Variants in PTGIS observed in about 807,000 individuals in gnomAD.
PTGIS encodes prostacyclin synthase.
A neutral mutation model predicts 50.3 loss-of-function variants in PTGIS; 45 were observed. The ratio of observed to expected loss-of-function variants is 0.90; its 90% CI spans 0.70 to 1.15. PTGIS has a LOEUF of 1.15. Among genes scored for constraint, PTGIS ranks in the 50% most tolerant of loss-of-function variants. The pLI is 0.00. For missense variants in PTGIS, 668 were observed against 661.3 expected, an observed-to-expected ratio of 1.01 and a Z score of -0.11; for synonymous variants, 260 against 267.7, an observed-to-expected ratio of 0.97 and a Z score of 0.28.
Position 49,507,916 on chromosome 20 carries a change from T to C in PTGIS, c.*4A>G, listed in dbSNP as rs1601174559. On this transcript the variant is annotated 3_prime_UTR_variant, in exon 10 of 10. Transcript: ENST00000244043. ...CGAGCACGTGGATCCATCTGCTCCC[T>C]GTGTCATGGGCGGATGCGGTAGCGG... 2 of 1,611,288 alleles carry C rather than the reference T, an allele frequency of 1.2e-6. No individual in the cohort carries two copies. Among genetic ancestry groups the C allele is most frequent in the Non-Finnish European group, 8.5e-7 (1 of 1,180,008 alleles).
In PTGIS at chr20:49,539,621, G is replaced by A. The variant is rs747873847; in HGVS notation, c.622C>T (p.Arg208Cys). 32 of 1,613,934 alleles carry A rather than the reference G, an allele frequency of 2.0e-5. No individual in the cohort carries two copies. The highest frequency in any genetic ancestry group is 9.9e-5 in the South Asian group (9 of 91,036). The change falls in exon 5 of 10, where the codon CGC becomes TGC. Residue 208 changes from arginine (R) to cysteine (C), a missense_variant. By Grantham distance (180) the Arg-to-Cys change is radical. Transcript: ENST00000244043. Reference protein sequence around the residue: ...VHSADVFHTFRQLDRLLPKLA... With the variant: ...VHSADVFHTFCQLDRLLPKLA... The stretch of plus-strand genomic sequence containing the variant: ...TTGGGGAGCAGCCGGTCGAGCTGGC[G>A]AAAGGTGTGGAAGACATCAGCTGAG...
chr20:49,543,957 T>G (rs1258617042), intron 4 of PTGIS, among the ~76,000 whole-genome samples: 1 of 152,190 alleles, frequency 6.6e-6, no homozygotes, highest in African/African-American at 2.4e-5. Flanking sequence ...GATAAAAGGT[T>G]AAGGTCCCAA....
chr20:49,514,731 G>A (rs552960709), intron 6 of PTGIS, among the ~76,000 whole-genome samples: 1 of 152,340 alleles, frequency 6.6e-6, no homozygotes, highest in Admixed American at 6.5e-5. Flanking sequence ...ATCTGAGAAT[G>A]ATCACATTGT....
At chr20:49,548,717 G>C (rs1423821074) in intron 2 of PTGIS, among the ~76,000 whole-genome samples, 2 of 151,768 alleles carry the variant, frequency 1.3e-5, no homozygotes, top group Non-Finnish European at 2.9e-5. Context: ...ATGAATGGAA[G>C]GAAGGAAGGA....
chr20:49,539,435 T>C, intron 5 of PTGIS, 135 bp downstream of exon 5: 2 of 1,082,614 alleles, frequency 1.8e-6, no homozygotes, highest in Non-Finnish European at 2.6e-6. Context: ...CCCCCAGTGA[T>C]GGGGATCTTA....
intron 4 of PTGIS, among the ~76,000 whole-genome samples, chr20:49,541,449 C>T (rs1256898800): frequency 1.3e-5 from 2 of 152,040 alleles, no homozygotes; most frequent in African/African-American, 2.4e-5. Context: ...AAAAGTAAAC[C>T]GGCCGGGAGA....
In PTGIS at chr20:49,524,515, C is replaced by T. The variant is rs145456948; in HGVS notation, c.674-276G>A. The stretch of plus-strand genomic sequence containing the variant: ...ATCTATTTCAATCACCTCTATGTCC[C>T]CATCACCCGGCCCGTAGCAGGTGCT... On this transcript the variant is annotated intron_variant, in intron 5 of 9. Coordinates refer to ENST00000244043, the MANE Select transcript of PTGIS (RefSeq NM_000961.4). 2.9e-3 allele frequency among the ~76,000 whole-genome samples: 441 copies of T among 152,320 alleles called. 4 individuals carry two copies. The highest frequency in any genetic ancestry group is 1.0e-2 in the African/African-American group (415 of 41,570).
chr20:49,519,207 A>ACAGAGTCCT (rs1981580935), intron 6 of PTGIS, among the ~76,000 whole-genome samples: 1 of 132,546 alleles, frequency 7.5e-6, no homozygotes, highest in East Asian at 2.4e-4. Flanking sequence ...GTCTCGGCCC[A>ACAGAGTCCT]CAGAGTCCTC....
intron 1 of PTGIS, among the ~76,000 whole-genome samples, chr20:49,555,197 T>G (rs1399596542): frequency 4.6e-5 from 7 of 152,030 alleles, no homozygotes; most frequent in African/African-American, 1.7e-4. Flanking sequence ...TGCTTGAACC[T>G]GGGAGGTGGA....
At position 49,503,958 on chromosome 20, in the gene PTGIS, C is replaced by T. The variant is rs1407584982; in HGVS notation, c.*3962G>A. 1 of 152,250 alleles carries T rather than the reference C, an allele frequency of 6.6e-6. No homozygotes were observed. The highest frequency in any genetic ancestry group is 1.5e-5 in the Non-Finnish European group (1 of 68,044). The allele number at this position is 152,250 out of a possible 1,614,324, so 9.4% of individuals were successfully genotyped here. ...GAAAATAGAATCTTTATTAAAATAG[C>T]AAGGCATAACAATCACTGCTACTCA... On this transcript the variant is annotated 3_prime_UTR_variant, in exon 10 of 10. Coordinates refer to ENST00000244043, the MANE Select transcript of PTGIS (RefSeq NM_000961.4).
intron 5 of PTGIS, among the ~76,000 whole-genome samples, chr20:49,535,848 T>C (rs938989050): frequency 4.6e-5 from 7 of 152,260 alleles, no homozygotes; most frequent in Non-Finnish European, 8.8e-5. Context: ...TAATTTCATA[T>C]CCTTCTACTT....
chr20:49,531,585 G>A (rs1439822146), intron 5 of PTGIS, among the ~76,000 whole-genome samples: 1 of 152,134 alleles, frequency 6.6e-6, no homozygotes. Flanking sequence ...TGGGAAAACA[G>A]AGGCTTGCTG....
At position 49,524,254 on chromosome 20, in the gene PTGIS, C is replaced by A. The variant is rs749532791; in HGVS notation, c.674-15G>T. The A allele has an allele frequency of 1.2e-6, 2 of 1,613,456 alleles. No homozygotes were observed. Among genetic ancestry groups the A allele is most frequent in the Non-Finnish European group, 1.7e-6 (2 of 1,179,802 alleles). On this transcript the variant is annotated splice_polypyrimidine_tract_variant and intron_variant, in intron 5 of 9. Transcript: ENST00000244043. ...GTCCTTGTCCCCTGCAGGGACAGAGCACAGAGAGTAGGGGTTACAGATTCA... is the reference window on the plus strand; with the variant it reads ...GTCCTTGTCCCCTGCAGGGACAGAGAACAGAGAGTAGGGGTTACAGATTCA...
rs561537313 is a variant in PTGIS at position 49,521,562 on chromosome 20, C to T, written c.855+2496G>A. ...CATTCCCACGAGAGTTCTGGAGACA[C>T]TTTGGAGCTCCAAGTCATCTCTGCA... On this transcript the variant is annotated intron_variant, in intron 6 of 9. Coordinates refer to ENST00000244043, the MANE Select transcript of PTGIS (RefSeq NM_000961.4). Among the ~76,000 whole-genome samples the T allele has an allele frequency of 3.3e-5, 5 of 152,290 alleles. No homozygotes were observed. The South Asian group carries it at 1.0e-3, about 32-fold the overall frequency.
At chr20:49,542,184 G>A (rs558320958) in intron 4 of PTGIS, among the ~76,000 whole-genome samples, 2 of 152,300 alleles carry the variant, frequency 1.3e-5, no homozygotes, top group African/African-American at 4.8e-5. Context: ...GAGGACAGAG[G>A]AGAACTTTGG....
intron 1 of PTGIS, among the ~76,000 whole-genome samples, chr20:49,552,945 C>CA (rs202061071): frequency 0.013 from 1,932 of 151,706 alleles, 40 homozygotes; most frequent in African/African-American, 0.04. Context: ...TGTTTCACTA[C>CA]AAAAAAATAC....
At chr20:49,546,589 C>G (rs6012690) in intron 3 of PTGIS, among the ~76,000 whole-genome samples, 2 of 152,204 alleles carry the variant, frequency 1.3e-5, no homozygotes, top group Non-Finnish European at 2.9e-5. Context: ...TCTTATCAGC[C>G]TTGGTATCTT....
At chr20:49,510,971 C>T (rs1465623558) in intron 9 of PTGIS, 57 bp downstream of exon 9, 9 of 1,556,864 alleles carry the variant, frequency 5.8e-6, no homozygotes, top group East Asian at 4.5e-5. Flanking sequence ...GAGAGAAGGG[C>T]GCCTGCCAAC....
intron 5 of PTGIS, among the ~76,000 whole-genome samples, chr20:49,528,321 A>G (rs180924249): frequency 4.0e-5 from 6 of 151,298 alleles, no homozygotes; most frequent in Non-Finnish European, 8.9e-5. Context: ...GGATAAAAAT[A>G]TAGCAGTGGG....
Sources: gnomAD v4.1 joint callset for allele counts (sites outside exome capture counted in the v4.1 genomes callset) on GRCh38, gnomAD v4.1.1 for gene constraint, MANE v1.5 for transcripts, NCBI Gene and HGNC (gene_info 2026-07-23, HGNC 2026-07-21) for gene names.